The following EFNB2 variants were observed in gnomAD, a reference collection of about 807,000 sequenced individuals.
EFNB2 encodes ephrin-B2.
Under a neutral mutation model 32.1 loss-of-function variants are expected in EFNB2, and 5 were observed. That is an observed-to-expected ratio of 0.16 (90% CI 0.08 to 0.33). The LOEUF (loss-of-function observed/expected upper bound fraction) is 0.33, where lower values mean the gene tolerates loss of function less well. Ranked by LOEUF, EFNB2 falls within the 10% of genes least tolerant of loss-of-function variation. The pLI is 1.00. For missense variants in EFNB2, 263 were observed against 422.6 expected, an observed-to-expected ratio of 0.62 and a Z score of 3.31; for synonymous variants, 168 against 166.5, an observed-to-expected ratio of 1.01 and a Z score of -0.07.
At chr13:106,534,798 C>G in intron 1 of EFNB2, 45 bp downstream of exon 1, 1 of 1,572,480 alleles carries the variant, frequency 6.4e-7, no homozygotes, top group East Asian at 2.3e-5. Flanking sequence ...GACGGCGCGG[C>G]GGACCCCGGG....
rs1363405946 is a variant in EFNB2, at chr13:106,489,932, A to C, written c.*3108T>G. ...AAAAAAATATTTATAACTCAGGCAT[A>C]ATACTGTGTTACTTACAAATTGGAC... is the stretch of plus-strand genomic sequence containing the variant. On this transcript the variant is annotated 3_prime_UTR_variant, in exon 5 of 5. Coordinates refer to ENST00000646441, the MANE Select transcript of EFNB2 (RefSeq NM_004093.4). 6.6e-6 allele frequency: 1 copy of C among 152,654 alleles called. No individual in the cohort carries two copies. The highest frequency in any genetic ancestry group is 1.5e-5 in the Non-Finnish European group (1 of 68,040). 9.5% of individuals were successfully genotyped at this position (152,654 alleles called of 1,614,324 possible).
intron 1 of EFNB2, among the ~76,000 whole-genome samples, chr13:106,528,560 AG>A (rs1387287097): frequency 1.3e-5 from 2 of 152,092 alleles, no homozygotes; most frequent in Non-Finnish European, 2.9e-5. Flanking sequence ...AGAAAGACAC[AG>A]GGTGTTTGCA....
At position 106,500,578 on chromosome 13, in the gene EFNB2, T is replaced by C. The variant is rs571014852; in HGVS notation, c.407-4738A>G. Among the ~76,000 whole-genome samples the C allele has an allele frequency of 3.9e-5, 6 of 152,134 alleles. No homozygotes were observed. The South Asian group carries it at 6.2e-4, about 16-fold the overall frequency. On this transcript the variant is annotated intron_variant, in intron 2 of 4. Transcript: ENST00000646441. ...AGAGAGACATGATAAGCATCCAGGGTCATGAAAACCACAGAGTCGTCAGAA... is the reference window on the plus strand; with the variant it reads ...AGAGAGACATGATAAGCATCCAGGGCCATGAAAACCACAGAGTCGTCAGAA...
chr13:106,512,884 C>T (rs1879189378), intron 1 of EFNB2, 72 bp from the exon 2 acceptor site: 5 of 1,308,992 alleles, frequency 3.8e-6, no homozygotes, highest in Non-Finnish European at 5.1e-6. Flanking sequence ...ACAAGATAGC[C>T]AGGCAATGCC....
At chr13:106,516,857 T>C (rs1879329164) in intron 1 of EFNB2, 1 of 152,212 alleles carries the variant, frequency 6.6e-6, no homozygotes, top group Non-Finnish European at 1.5e-5. Context: ...ATTTGTGTTT[T>C]ACATTTAATA....
At chr13:106,495,117 T>C in intron 3 of EFNB2, 123 bp from the exon 4 acceptor site, 1 of 725,044 alleles carries the variant, frequency 1.4e-6, no homozygotes, top group Middle Eastern at 3.0e-4. Flanking sequence ...TGCAAAGTAC[T>C]GTGAAATACA....
Position 106,523,572 on chromosome 13 carries a change from A to G in EFNB2, c.123-10760T>C, listed in dbSNP as rs528551904. Among the ~76,000 whole-genome samples, 5 of 152,318 alleles carry G rather than the reference A, an allele frequency of 3.3e-5. No homozygotes were observed. In the East Asian group the frequency reaches 7.7e-4, roughly 24 times the overall value. Reference sequence around the variant, plus strand: ...TCTGGCCGGCGGCTGCATGGTCTCCAGGTAAGCAGATGCTAAGCATGGTGA... The same window carrying G: ...TCTGGCCGGCGGCTGCATGGTCTCCGGGTAAGCAGATGCTAAGCATGGTGA... On this transcript the variant is annotated intron_variant, in intron 1 of 4. Coordinates refer to ENST00000646441, the MANE Select transcript of EFNB2 (RefSeq NM_004093.4).
At chr13:106,522,442 C>A (rs1879554528) in intron 1 of EFNB2, among the ~76,000 whole-genome samples, 1 of 152,292 alleles carries the variant, frequency 6.6e-6, no homozygotes, top group Non-Finnish European at 1.5e-5. Flanking sequence ...AAGGGCATTT[C>A]CAGCTGGTTC....
chr13:106,515,713 T>C (rs1879290699), intron 1 of EFNB2, among the ~76,000 whole-genome samples: 5 of 152,210 alleles, frequency 3.3e-5, no homozygotes, highest in Admixed American at 3.3e-4. Flanking sequence ...GTGAAGAAAT[T>C]ATGGCTTCTC....
Position 106,493,229 on chromosome 13 carries a change from T to G in EFNB2, c.813A>C (p.Thr271=), listed in dbSNP as rs1291883211. The G allele has an allele frequency of 6.2e-7, 1 of 1,614,086 alleles. No homozygotes were observed. Among genetic ancestry groups the G allele is most frequent in the African/African-American group, 1.3e-5 (1 of 74,932 alleles). Reference sequence around the variant, plus strand: ...TGCCGCTGCGCTTGGGTGTGGCCAGTGTGCTGAGCGACAGCGTGGTCGTGT... The same window carrying G: ...TGCCGCTGCGCTTGGGTGTGGCCAGGGTGCTGAGCGACAGCGTGGTCGTGT... ...PQHTTTLSLS[T]LATPKRSGNN... is the part of the protein sequence containing the mutation. The change falls in exon 5 of 5, where the codon ACA becomes ACC. Residue 271 remains threonine (T), a synonymous_variant. Transcript: ENST00000646441. This position sits in a 1 kb window ranked among gnomAD's most constrained non-coding sequence, Gnocchi z 6.1.
In EFNB2 at chr13:106,492,777, G is replaced by C. The variant is rs1427230365; in HGVS notation, c.*263C>G. The stretch of plus-strand genomic sequence containing the variant: ...CCGCAGCACATGGCTTCGAGGAGGA[G>C]ACGTGGGACGCGGCACAGCAGTCCG... On this transcript the variant is annotated 3_prime_UTR_variant, in exon 5 of 5. Coordinates refer to ENST00000646441, the MANE Select transcript of EFNB2 (RefSeq NM_004093.4). This position sits in a 1 kb window ranked among gnomAD's most constrained non-coding sequence, Gnocchi z 5.1. 2.5e-6 allele frequency: 1 copy of C among 393,616 alleles called. No individual in the cohort carries two copies. The highest frequency in any genetic ancestry group is 4.7e-6 in the Non-Finnish European group (1 of 214,972). 24.4% of individuals were successfully genotyped at this position (393,616 alleles called of 1,614,324 possible).
intron 1 of EFNB2, among the ~76,000 whole-genome samples, chr13:106,533,853 C>T (rs7317523): frequency 0.26 from 39,813 of 152,048 alleles, 5,956 homozygotes; most frequent in East Asian, 0.69. Flanking sequence ...TAAGGGGATA[C>T]ACAGTACTGA....
intron 1 of EFNB2, among the ~76,000 whole-genome samples, chr13:106,528,231 T>C (rs951621137): frequency 6.6e-6 from 1 of 152,138 alleles, no homozygotes; most frequent in Non-Finnish European, 1.5e-5. Context: ...CTATATGCAA[T>C]ACTTTAAAAA....
At chr13:106,497,318 T>C (rs563816680) in intron 2 of EFNB2, among the ~76,000 whole-genome samples, 23 of 152,310 alleles carry the variant, frequency 1.5e-4, no homozygotes, top group African/African-American at 5.3e-4. Flanking sequence ...CTCATTCTTC[T>C]GTAACTGTGG....
At chr13:106,515,329 A>G (rs144307467) in intron 1 of EFNB2, among the ~76,000 whole-genome samples, 1 of 152,170 alleles carries the variant, frequency 6.6e-6, no homozygotes, top group Non-Finnish European at 1.5e-5. Flanking sequence ...TTCAGTGTGT[A>G]CTGTCCAACT....
At chr13:106,515,776 T>A (rs1372953618) in intron 1 of EFNB2, among the ~76,000 whole-genome samples, 2 of 152,200 alleles carry the variant, frequency 1.3e-5, no homozygotes, top group Admixed American at 1.3e-4. Flanking sequence ...CTCCTGGCCA[T>A]GTTTTCACTA....
intron 2 of EFNB2, among the ~76,000 whole-genome samples, chr13:106,503,756 C>T (rs1197651502): frequency 2.0e-5 from 3 of 151,076 alleles, no homozygotes; most frequent in African/African-American, 7.3e-5. Context: ...AATAAAACCC[C>T]ATGTCTTGAA....
rs1184691990 is a variant in EFNB2 at position 106,535,159 on chromosome 13, G to A, written c.-195C>T. On this transcript the variant is annotated 5_prime_UTR_variant, in exon 1 of 5. Coordinates refer to ENST00000646441, the MANE Select transcript of EFNB2 (RefSeq NM_004093.4). ...CTCTCCGGGGCCCTCAGGGCGCGGG[G>A]CGGGAGCGCACGCGCGGGGCGCGGC... 1.8e-5 allele frequency: 7 copies of A among 381,020 alleles called. No individual in the cohort carries two copies. The highest frequency in any genetic ancestry group is 6.0e-5 in the Admixed American group (1 of 16,774). The allele number at this position is 381,020 out of a possible 1,614,324, so 23.6% of individuals were successfully genotyped here. A position where few individuals can be genotyped will look rare whatever the true frequency, so the allele number is the denominator to read the frequency against.
chr13:106,517,992 CTAA>C (rs1879366504), intron 1 of EFNB2: 2 of 152,182 alleles, frequency 1.3e-5, no homozygotes, highest in Admixed American at 6.5e-5. Context: ...AACTGGATCT[CTAA>C]TAATTTAGAC....
Sources: allele counts gnomAD v4.1 joint callset (sites outside exome capture counted in the v4.1 genomes callset), GRCh38; gene constraint gnomAD v4.1.1; non-coding constraint Gnocchi (gnomAD v3.1); transcripts MANE v1.5; gene names NCBI Gene and HGNC (gene_info 2026-07-23, HGNC 2026-07-21).